SMOC1: variants seen among roughly 807,000 people sequenced by gnomAD.
SMOC1 encodes SPARC-related modular calcium-binding protein 1.
A neutral mutation model predicts 56.3 loss-of-function variants in SMOC1; 22 were observed. The observed-to-expected ratio is 0.39, with a 90% CI of 0.28 to 0.56. SMOC1 has a LOEUF of 0.56. SMOC1 is among the 20% of genes least tolerant of loss of function. The pLI, the probability that SMOC1 is intolerant of heterozygous loss-of-function variation, is 0.61. For synonymous variants in SMOC1, 193 were observed against 215.0 expected, an observed-to-expected ratio of 0.90 and a Z score of 0.89; for missense variants, 509 against 565.4, an observed-to-expected ratio of 0.90 and a Z score of 1.01.
chr14:69,923,910 G>T (rs1231961771), intron 1 of SMOC1, among the ~76,000 whole-genome samples: 1 of 152,202 alleles, frequency 6.6e-6, no homozygotes, highest in Admixed American at 6.5e-5. Flanking sequence ...GGGGTGGGCA[G>T]TTGGCAGTGT....
intron 3 of SMOC1, among the ~76,000 whole-genome samples, chr14:69,963,493 A>G (rs1284795058): frequency 6.6e-6 from 1 of 152,198 alleles, no homozygotes. Context: ...TCTGGGTTAC[A>G]GGGAGCCTTG....
intron 7 of SMOC1, among the ~76,000 whole-genome samples, chr14:70,001,779 G>A (rs1007176208): frequency 9.9e-5 from 15 of 152,188 alleles, no homozygotes; most frequent in Non-Finnish European, 8.8e-5. Flanking sequence ...TCTTCACAAT[G>A]ACCCTGTGAG....
intron 7 of SMOC1, among the ~76,000 whole-genome samples, chr14:69,994,705 C>G (rs143619460): frequency 6.6e-6 from 1 of 152,320 alleles, no homozygotes; most frequent in African/African-American, 2.4e-5. Context: ...ATCCTCTTAA[C>G]AAATTTCTTT....
chr14:69,932,527 C>T (rs1031810779), intron 1 of SMOC1, among the ~76,000 whole-genome samples: 7 of 152,214 alleles, frequency 4.6e-5, no homozygotes, highest in African/African-American at 1.4e-4. Flanking sequence ...AGGAACCTTT[C>T]GGTGCCATTT....
chr14:69,928,808 A>C (rs1456792848), intron 1 of SMOC1, among the ~76,000 whole-genome samples: 1 of 152,118 alleles, frequency 6.6e-6, no homozygotes, highest in East Asian at 1.9e-4. Flanking sequence ...TGAATAGTTA[A>C]AGCATGCGTA....
rs1366276984 is a variant in SMOC1 at position 69,879,733 on chromosome 14, G to C, written c.55G>C (p.Val19Leu). The change falls in exon 1 of 12, where the codon GTG becomes CTG. Residue 19 changes from valine to leucine, a missense_variant. By Grantham distance (32) the Val-to-Leu change is conservative. Around this residue, in one of 3 missense-constraint regions of SMOC1, gnomAD observed 315 missense variants for 333.1 expected, o/e 0.95. Coordinates refer to ENST00000361956, the MANE Select transcript of SMOC1 (RefSeq NM_001034852.3). ...LLTPHLLLVLVQLSPARGHRT... is the reference protein window; with the variant it reads ...LLTPHLLLVLLQLSPARGHRT... Reference sequence around the variant, plus strand: ...CACGCCCCACTTGCTGCTGGTGTTGGTGCAGCTGTCCCCTGCTCGCGGCCA... The same window carrying C: ...CACGCCCCACTTGCTGCTGGTGTTGCTGCAGCTGTCCCCTGCTCGCGGCCA... 1.3e-6 allele frequency: 2 copies of C among 1,592,388 alleles called. No individual in the cohort carries two copies. The highest frequency in any genetic ancestry group is 1.1e-5 in the South Asian group (1 of 89,226).
intron 1 of SMOC1, among the ~76,000 whole-genome samples, chr14:69,882,175 C>T (rs1174207610): frequency 6.6e-6 from 1 of 152,130 alleles, no homozygotes; most frequent in East Asian, 1.9e-4. Context: ...TATTGGGGGC[C>T]TCAAAAGTGT....
At chr14:70,013,671 C>G (rs1885412960) in intron 10 of SMOC1, among the ~76,000 whole-genome samples, 180 bp downstream of exon 10, 1 of 152,160 alleles carries the variant, frequency 6.6e-6, no homozygotes, top group Admixed American at 6.5e-5. Context: ...ATCTTCCTGC[C>G]CCTCTACCTT....
intron 1 of SMOC1, among the ~76,000 whole-genome samples, chr14:69,901,417 G>T (rs1884238732): frequency 6.6e-6 from 1 of 152,228 alleles, no homozygotes; most frequent in Non-Finnish European, 1.5e-5. Flanking sequence ...GGAACTATCT[G>T]AGGTGGTCTG....
At chr14:69,986,189 C>T (rs1215919946) in intron 5 of SMOC1, among the ~76,000 whole-genome samples, 2 of 152,172 alleles carry the variant, frequency 1.3e-5, no homozygotes, top group South Asian at 2.1e-4. Context: ...ATTTATATAA[C>T]AGTCTAGAAA....
intron 1 of SMOC1, among the ~76,000 whole-genome samples, chr14:69,915,812 A>G (rs1240458836): frequency 1.3e-5 from 2 of 152,134 alleles, no homozygotes; most frequent in Non-Finnish European, 2.9e-5. Context: ...CTGGGACATT[A>G]CTTGGTTCTC....
chr14:70,000,440 G>A (rs181952357), intron 7 of SMOC1, among the ~76,000 whole-genome samples: 5 of 152,150 alleles, frequency 3.3e-5, no homozygotes, highest in Admixed American at 1.3e-4. Context: ...AAGGCAGCTT[G>A]CTATTTCTCA....
At chr14:69,979,609 G>T (rs985251903) in intron 5 of SMOC1, among the ~76,000 whole-genome samples, 1 of 144,744 alleles carries the variant, frequency 6.9e-6, no homozygotes, top group Non-Finnish European at 1.6e-5. Context: ...TGTGTGTGTT[G>T]TTTTTTTTCT....
At chr14:70,006,501 A>G (rs1343231851) in intron 7 of SMOC1, among the ~76,000 whole-genome samples, 1 of 152,228 alleles carries the variant, frequency 6.6e-6, no homozygotes, top group Non-Finnish European at 1.5e-5. Flanking sequence ...AGAATAATTG[A>G]TTGGTTGACT....
At chr14:69,980,831 G>A (rs1594836468) in intron 5 of SMOC1, among the ~76,000 whole-genome samples, 2 of 152,324 alleles carry the variant, frequency 1.3e-5, no homozygotes, top group Admixed American at 1.3e-4. Context: ...CAGAAAAGAG[G>A]TGGGGCCAGA....
chr14:69,984,725 C>G (rs1301373823), intron 5 of SMOC1, among the ~76,000 whole-genome samples: 2 of 149,258 alleles, frequency 1.3e-5, no homozygotes, highest in African/African-American at 4.9e-5. Flanking sequence ...CATGGTGGCA[C>G]GTGCCTGTAA....
Position 70,010,835 on chromosome 14 carries a change from C to A in SMOC1, c.746C>A (p.Pro249His). The A allele has an allele frequency of 6.2e-7, 1 of 1,614,204 alleles. No individual in the cohort carries two copies. The highest frequency in any genetic ancestry group is 8.5e-7 in the Non-Finnish European group (1 of 1,180,030). The change falls in exon 8 of 12, where the codon CCT (proline) becomes CAT (histidine). Residue 249 changes from proline (P) to histidine (H), a missense_variant. Transcript: ENST00000361956. ...AATCCCCGTGAGGGTATTGTCATCCCTGAATGTGCCCCTGGGGGACTCTAT... is the reference window on the plus strand; with the variant it reads ...AATCCCCGTGAGGGTATTGTCATCCATGAATGTGCCCCTGGGGGACTCTAT... The part of the protein sequence containing the change: ...QQNPREGIVI[P>H]ECAPGGLYKP...
chr14:69,982,622 C>A (rs1884220195), intron 5 of SMOC1, among the ~76,000 whole-genome samples: 1 of 152,232 alleles, frequency 6.6e-6, no homozygotes, highest in Non-Finnish European at 1.5e-5. Flanking sequence ...CCTGGCAGAG[C>A]CGTGTTGGGC....
intron 1 of SMOC1, among the ~76,000 whole-genome samples, chr14:69,918,660 A>G (rs556580432): frequency 6.6e-6 from 1 of 152,338 alleles, no homozygotes; most frequent in East Asian, 1.9e-4. Context: ...CATCTTTGAA[A>G]TCTGTAGAAG....
Sources: gnomAD v4.1 joint callset for allele counts (sites outside exome capture counted in the v4.1 genomes callset) on GRCh38, gnomAD v4.1.1 for gene constraint, gnomAD v4.1.1 regional missense constraint, MANE v1.5 for transcripts, NCBI Gene and HGNC (gene_info 2026-07-23, HGNC 2026-07-21) for gene names.